The following PHYHIPL variants were observed in gnomAD, a reference collection of about 807,000 sequenced individuals.
PHYHIPL encodes the protein phytanoyl-CoA 2-hydroxylase interacting protein like.
A neutral mutation model predicts 33.4 loss-of-function variants in PHYHIPL; 9 were observed. That is an observed-to-expected ratio of 0.27 (90% CI 0.16 to 0.47). The LOEUF (loss-of-function observed/expected upper bound fraction) is 0.47, where lower values mean the gene tolerates loss of function less well. Ranked by LOEUF, PHYHIPL falls within the 20% of genes least tolerant of loss-of-function variation. The probability of loss-of-function intolerance (pLI) is 0.99; values close to 1 mark genes in which losing one functional copy is unlikely to be tolerated. For synonymous variants in PHYHIPL, 153 were observed against 154.1 expected (o/e 0.99, Z 0.05); for missense variants, 365 against 460.7 (o/e 0.79, Z 1.90).
upstream of PHYHIPL, among the ~76,000 whole-genome samples, chr10:59,175,902 GCGTGGCTGCTGGTCC>G (rs1408506591): frequency 1.4e-4 from 22 of 152,344 alleles, no homozygotes; most frequent in South Asian, 2.1e-4. Context: ...AAGGCAGACT[GCGTGGCTGCTGGTCC>G]CGTGGCTGCT....
At chr10:59,217,189 G>A (rs534408561) in intron 1 of PHYHIPL, among the ~76,000 whole-genome samples, 484 of 152,142 alleles carry the variant, frequency 3.2e-3, no homozygotes, top group Non-Finnish European at 4.4e-3. Context: ...TAGTCTTCAA[G>A]TGTAAAGGGA....
chr10:59,226,441 A>C (rs994555428), intron 1 of PHYHIPL, among the ~76,000 whole-genome samples: 1 of 152,180 alleles, frequency 6.6e-6, no homozygotes, highest in Non-Finnish European at 1.5e-5. Flanking sequence ...CCCAGTGTTT[A>C]ATTTCTTCCC....
chr10:59,243,436 A>G (rs1220854951), intron 4 of PHYHIPL, among the ~76,000 whole-genome samples: 4 of 152,232 alleles, frequency 2.6e-5, no homozygotes, highest in Non-Finnish European at 4.4e-5. Context: ...AACCTGGAAC[A>G]TCAGAAAGAA....
chr10:59,212,651 A>T (rs1564451243), intron 1 of PHYHIPL, among the ~76,000 whole-genome samples: 1 of 152,216 alleles, frequency 6.6e-6, no homozygotes, highest in Non-Finnish European at 1.5e-5. Flanking sequence ...CAGCAGCACC[A>T]GCGCTGCTCT....
intron 1 of PHYHIPL, among the ~76,000 whole-genome samples, chr10:59,230,994 T>A (rs984550100): frequency 1.3e-5 from 2 of 152,124 alleles, no homozygotes; most frequent in African/African-American, 4.8e-5. Flanking sequence ...AGATTATAAA[T>A]GTTTCTTATC....
rs752259397 is a variant in PHYHIPL at position 59,234,383 on chromosome 10, G to A, written c.186G>A (p.Thr62=). The A allele has an allele frequency of 5.1e-5, 81 of 1,603,100 alleles. No homozygotes were observed. The highest frequency in any genetic ancestry group is 8.9e-5 in the South Asian group (8 of 89,450). Reference sequence around the variant, plus strand: ...ATAACATCAAAATAAGCAATATAACGTGTGACTCATTCAAGATTTCATGGG... The same window carrying A: ...ATAACATCAAAATAAGCAATATAACATGTGACTCATTCAAGATTTCATGGG... The part of the protein sequence containing the change: ...VPHNIKISNI[T]CDSFKISWEM... Residue 62 remains threonine, a synonymous_variant, in exon 2 of 5, where the codon ACG becomes ACA. Transcript: ENST00000373880.
chr10:59,180,287 CATATATA>C (rs1378349242), intron 1 of PHYHIPL, among the ~76,000 whole-genome samples: 1 of 135,124 alleles, frequency 7.4e-6, no homozygotes, highest in African/African-American at 2.8e-5. Flanking sequence ...CATACACACA[CATATATA>C]ATATATATAT....
intron 1 of PHYHIPL, chr10:59,221,592 A>G: frequency 2.9e-6 from 2 of 701,514 alleles, no homozygotes; most frequent in Non-Finnish European, 3.5e-6. Context: ...TAAGTTTTTA[A>G]ATAGGAGTGT....
chr10:59,194,014 T>G (rs962029004), intron 1 of PHYHIPL, among the ~76,000 whole-genome samples: 1 of 151,980 alleles, frequency 6.6e-6, no homozygotes, highest in African/African-American at 2.4e-5. Flanking sequence ...CCAAATACAA[T>G]TTAGCTACTT....
intron 1 of PHYHIPL, among the ~76,000 whole-genome samples, chr10:59,203,068 AG>A (rs1168822444): frequency 6.6e-6 from 1 of 152,184 alleles, no homozygotes; most frequent in Non-Finnish European, 1.5e-5. Flanking sequence ...CAAATTTACA[AG>A]AAAAAAATCA....
At chr10:59,198,752 T>A (rs1330100323) in intron 1 of PHYHIPL, among the ~76,000 whole-genome samples, 1 of 152,172 alleles carries the variant, frequency 6.6e-6, no homozygotes, top group African/African-American at 2.4e-5. Flanking sequence ...CCATTCTAAC[T>A]GGTGTGAGAT....
intron 2 of PHYHIPL, 86 bp from the exon 3 acceptor site, chr10:59,236,397 C>G (rs1840230955): frequency 1.3e-6 from 1 of 766,396 alleles, no homozygotes; most frequent in African/African-American, 1.8e-5. Context: ...TCCTTCCTCC[C>G]TTCTCCCTTT....
chr10:59,196,085 C>T (rs1273989571), intron 1 of PHYHIPL, among the ~76,000 whole-genome samples: 1 of 151,880 alleles, frequency 6.6e-6, no homozygotes, highest in African/African-American at 2.4e-5. Flanking sequence ...ATGTACTTTC[C>T]CAGCCTGATG....
chr10:59,245,144 C>A lies in PHYHIPL; in HGVS notation c.684C>A (p.Ile228=). Residue 228 remains isoleucine, a synonymous_variant, in exon 5 of 5, where the codon ATC becomes ATA. Coordinates refer to ENST00000373880, the MANE Select transcript of PHYHIPL (RefSeq NM_032439.4). ...CTATCAGTGGAAAATTAGAAGGCAT[C>A]TTCTTCAGCTGCAGCACTGAATTCA... ...GSPISGKLEG[I]FFSCSTEFNT... 1 of 1,614,122 alleles carries A rather than the reference C, an allele frequency of 6.2e-7. No individual in the cohort carries two copies. The highest frequency in any genetic ancestry group is 8.5e-7 in the Non-Finnish European group (1 of 1,179,992).
chr10:59,212,080 A>G (rs1447917785), intron 1 of PHYHIPL, among the ~76,000 whole-genome samples: 1 of 152,110 alleles, frequency 6.6e-6, no homozygotes. Flanking sequence ...TGTTAGCTTT[A>G]TAAGAAGAAG....
At chr10:59,202,210 G>A (rs1674575887) in intron 1 of PHYHIPL, among the ~76,000 whole-genome samples, 1 of 151,962 alleles carries the variant, frequency 6.6e-6, no homozygotes, top group Admixed American at 6.6e-5. Context: ...AAAGGAGTGG[G>A]GGTTGAAAAA....
chr10:59,225,769 T>A (rs1282531828), intron 1 of PHYHIPL, among the ~76,000 whole-genome samples: 1 of 152,168 alleles, frequency 6.6e-6, no homozygotes, highest in East Asian at 1.9e-4. Flanking sequence ...CCCTTCAGAT[T>A]AAAATCTAAG....
upstream of PHYHIPL, among the ~76,000 whole-genome samples, chr10:59,176,160 G>T (rs769006637): frequency 6.6e-6 from 1 of 152,232 alleles, no homozygotes; most frequent in African/African-American, 2.4e-5. Context: ...CGAGTATCCT[G>T]GGACCTTCAG....
chr10:59,176,565 C>G, upstream of PHYHIPL: 1 of 108,174 alleles, frequency 9.2e-6, no homozygotes, highest in Non-Finnish European at 1.5e-5. Context: ...CTATACATCA[C>G]GTTCCCCGAG....
Sources: gnomAD v4.1 joint callset for allele counts (sites outside exome capture counted in the v4.1 genomes callset) on GRCh38, gnomAD v4.1.1 for gene constraint, MANE v1.5 for transcripts, NCBI Gene and HGNC (gene_info 2026-07-23, HGNC 2026-07-21) for gene names.